The following KDM6A variants were observed in gnomAD, a reference collection of about 807,000 sequenced individuals.
KDM6A encodes lysine-specific demethylase 6A.
A neutral mutation model predicts 117.6 loss-of-function variants in KDM6A; 11 were observed. The ratio of observed to expected loss-of-function variants is 0.09; its 90% CI spans 0.06 to 0.15. The LOEUF is 0.15. Among genes scored for constraint, KDM6A ranks in the 10% least tolerant of loss-of-function variants. The pLI is 1.00. For synonymous variants in KDM6A, 384 were observed against 396.1 expected, an observed-to-expected ratio of 0.97 and a Z score of 0.36; for missense variants, 799 against 1,077.3, an observed-to-expected ratio of 0.74 and a Z score of 3.62.
chrX:45,099,805 C>T (rs1285457935), intron 27 of KDM6A, among the ~76,000 whole-genome samples: 1 of 111,618 alleles, frequency 9.0e-6, no homozygotes, highest in East Asian at 2.8e-4. Context: ...GAGGCCAAGT[C>T]GGGCAGATCA....
intron 6 of KDM6A, among the ~76,000 whole-genome samples, chrX:45,029,420 C>T (rs1263215271): frequency 1.8e-5 from 2 of 109,746 alleles, no homozygotes; most frequent in South Asian, 3.9e-4. Flanking sequence ...GCAACAAGAG[C>T]GAAACCCCAT....
At chrX:44,927,427 A>G (rs2036372877) in intron 2 of KDM6A, among the ~76,000 whole-genome samples, 1 of 110,768 alleles carries the variant, frequency 9.0e-6, no homozygotes, top group Non-Finnish European at 1.9e-5. Context: ...CAGTGTTGGC[A>G]GGGGCAATCA....
intron 6 of KDM6A, 29 bp downstream of exon 6, chrX:45,020,759 A>G (rs1176672248): frequency 2.5e-6 from 3 of 1,199,129 alleles, no homozygotes; most frequent in Non-Finnish European, 3.4e-6. Flanking sequence ...TCAAGATACA[A>G]TGTTTAATTT....
At chrX:45,021,605 CTG>C (rs748910654) in intron 6 of KDM6A, among the ~76,000 whole-genome samples, 7 of 111,612 alleles carry the variant, frequency 6.3e-5, no homozygotes, top group Non-Finnish European at 1.3e-4. Flanking sequence ...ATAAAAAAAA[CTG>C]TACTCAAGAG....
chrX:45,068,829 C>CTTTCT (rs1569535225), intron 17 of KDM6A, among the ~76,000 whole-genome samples: 345 of 13,078 alleles, frequency 0.026, 2 homozygotes, highest in African/African-American at 0.057. Flanking sequence ...TTTCTCTTTC[C>CTTTCT]CTTTCCCTTT....
intron 3 of KDM6A, 110 bp from the exon 4 acceptor site, chrX:44,974,556 A>G (rs781198613): frequency 1.8e-6 from 1 of 554,561 alleles, no homozygotes; most frequent in South Asian, 2.5e-5. Flanking sequence ...CTGAAATATC[A>G]CTATCTACTG....
At chrX:44,896,545 T>C (rs2033868785) in intron 2 of KDM6A, among the ~76,000 whole-genome samples, 2 of 110,336 alleles carry the variant, frequency 1.8e-5, no homozygotes, top group Admixed American at 9.7e-5. Context: ...GATAGTCTGT[T>C]ATATTTACCT....
intron 2 of KDM6A, among the ~76,000 whole-genome samples, chrX:44,885,018 C>G (rs191703375): frequency 3.6e-5 from 4 of 110,120 alleles, no homozygotes; most frequent in East Asian, 5.6e-4. Flanking sequence ...TTCCTAATCA[C>G]CCGACCTCAT....
At chrX:44,999,646 C>A (rs897526299) in intron 4 of KDM6A, among the ~76,000 whole-genome samples, 2 of 112,090 alleles carry the variant, frequency 1.8e-5, no homozygotes, top group African/African-American at 6.5e-5. Context: ...ATTTAGAACT[C>A]ATATCTAACA....
At chrX:45,015,743 A>G in intron 5 of KDM6A, among the ~76,000 whole-genome samples, 1 of 111,902 alleles carries the variant, frequency 8.9e-6, no homozygotes, top group East Asian at 2.8e-4. Context: ...TTTATTATAT[A>G]TACTTTTATT....
chrX:45,069,470 T>TTA (rs2044714015), intron 17 of KDM6A, 109 bp from the exon 18 acceptor site: 1 of 748,534 alleles, frequency 1.3e-6, no homozygotes, highest in Admixed American at 3.1e-5. Flanking sequence ...TCAAATTATC[T>TTA]TATACAGTTA....
intron 2 of KDM6A, among the ~76,000 whole-genome samples, chrX:44,930,017 G>T (rs2036537991): frequency 9.0e-6 from 1 of 111,390 alleles, no homozygotes; most frequent in Non-Finnish European, 1.9e-5. Context: ...TGGTGTAGTA[G>T]TATCTCATCC....
intron 4 of KDM6A, among the ~76,000 whole-genome samples, chrX:45,004,204 C>T (rs1602534052): frequency 9.1e-6 from 1 of 110,494 alleles, no homozygotes; most frequent in East Asian, 2.9e-4. Context: ...CCTGCTCCAC[C>T]ATACTCTTTA....
At chrX:44,938,325 A>G (rs986508085) in intron 2 of KDM6A, among the ~76,000 whole-genome samples, 7 of 111,869 alleles carry the variant, frequency 6.3e-5, no homozygotes, top group Non-Finnish European at 1.3e-4. Flanking sequence ...AGGAAGCAGA[A>G]CAGCCTCACT....
intron 2 of KDM6A, among the ~76,000 whole-genome samples, chrX:44,896,159 C>G (rs999978652): frequency 5.5e-5 from 6 of 108,356 alleles, no homozygotes; most frequent in Non-Finnish European, 1.1e-4. Flanking sequence ...CTGCAAGCTC[C>G]GCCTCCTGGG....
intron 15 of KDM6A, 44 bp from the exon 16 acceptor site, chrX:45,062,603 C>A (rs751651364): frequency 3.1e-6 from 3 of 976,204 alleles, no homozygotes; most frequent in Non-Finnish European, 4.4e-6. Context: ...ATCTTATTTC[C>A]TAAATATATC....
intron 4 of KDM6A, among the ~76,000 whole-genome samples, chrX:44,992,130 C>A (rs1457559799): frequency 9.4e-6 from 1 of 106,754 alleles, no homozygotes; most frequent in African/African-American, 3.4e-5. Flanking sequence ...AAATACCTTT[C>A]TACAAAATAA....
chrX:44,988,581 G>A (rs1412290481), intron 4 of KDM6A, among the ~76,000 whole-genome samples: 2 of 110,955 alleles, frequency 1.8e-5, no homozygotes, highest in African/African-American at 6.6e-5. Flanking sequence ...GTACAGATGG[G>A]GTTTTGATGT....
At chrX:45,057,054 T>C (rs764493902) in intron 10 of KDM6A, among the ~76,000 whole-genome samples, 1 of 111,581 alleles carries the variant, frequency 9.0e-6, no homozygotes. Flanking sequence ...CGGACATTTC[T>C]TACATCTTTC....
Sources: gnomAD v4.1 joint callset for allele counts (sites outside exome capture counted in the v4.1 genomes callset) on GRCh38, gnomAD v4.1.1 for gene constraint, MANE v1.5 for transcripts, NCBI Gene and HGNC (gene_info 2026-07-23, HGNC 2026-07-21) for gene names.